Variants in JPH3 observed in about 807,000 individuals in gnomAD.
JPH3 encodes junctophilin 3, also known as junctophilin-3.
JPH3 carries 11 observed loss-of-function variants against 59.6 expected under a neutral mutation model. The observed-to-expected ratio is 0.18, with a 90% CI of 0.12 to 0.31. The LOEUF (loss-of-function observed/expected upper bound fraction) is 0.31, where lower values mean the gene tolerates loss of function less well. Among genes scored for constraint, JPH3 ranks in the 10% least tolerant of loss-of-function variants. The pLI, the probability that JPH3 is intolerant of heterozygous loss-of-function variation, is 1.00. For synonymous variants in JPH3, 673 were observed against 483.6 expected, an observed-to-expected ratio of 1.39 and a Z score of -5.14; for missense variants, 1,202 against 1,105.7, an observed-to-expected ratio of 1.09 and a Z score of -1.24.
intron 2 of JPH3, among the ~76,000 whole-genome samples, chr16:87,655,522 A>C (rs1357393244): frequency 6.6e-6 from 1 of 151,952 alleles, no homozygotes; most frequent in Admixed American, 6.6e-5. Context: ...CCCAGCTAAC[A>C]TTTTTATGTC....
chr16:87,615,136 C>T (rs2030908255), intron 1 of JPH3, among the ~76,000 whole-genome samples: 1 of 152,256 alleles, frequency 6.6e-6, no homozygotes, highest in South Asian at 2.1e-4. Flanking sequence ...GGTGGCTCTC[C>T]TGAGGGTTCA....
chr16:87,606,889 G>C (rs2030540668), intron 1 of JPH3, among the ~76,000 whole-genome samples: 1 of 152,064 alleles, frequency 6.6e-6, no homozygotes, highest in Non-Finnish European at 1.5e-5. Flanking sequence ...ATGAATTACA[G>C]CCCTTAATTC....
chr16:87,666,433 C>T (rs1403468716), intron 2 of JPH3, among the ~76,000 whole-genome samples: 6 of 151,984 alleles, frequency 3.9e-5, no homozygotes, highest in African/African-American at 1.4e-4. Context: ...GCTCTTTTGC[C>T]CAGGCTGGAG....
intron 1 of JPH3, among the ~76,000 whole-genome samples, chr16:87,631,680 T>C (rs996764686): frequency 1.3e-5 from 2 of 152,180 alleles, no homozygotes; most frequent in Non-Finnish European, 2.9e-5. Flanking sequence ...TTTCCTTCCC[T>C]GCTTTCTAGA....
chr16:87,688,195 A>T (rs2033464577), intron 3 of JPH3, among the ~76,000 whole-genome samples: 1 of 151,688 alleles, frequency 6.6e-6, no homozygotes. Context: ...AGAGTGGCCC[A>T]CCCACACCCC....
rs567531204 is a variant in JPH3, at chr16:87,650,668, G to T, written c.1160+5633G>T. 4.6e-5 allele frequency among the ~76,000 whole-genome samples: 7 copies of T among 152,360 alleles called. No homozygotes were observed. In the South Asian group the frequency reaches 1.0e-3, roughly 23 times the overall value. ...GATAAGGGAGTGAAACAATGTTATT[G>T]CTGATATGGAGAAAATTTTAGGGTC... On this transcript the variant is annotated intron_variant, in intron 2 of 4. Transcript: ENST00000284262.
At chr16:87,607,039 T>A (rs181810793) in intron 1 of JPH3, among the ~76,000 whole-genome samples, 63 of 152,294 alleles carry the variant, frequency 4.1e-4, no homozygotes, top group African/African-American at 1.3e-3. Flanking sequence ...CTTTGCTAGG[T>A]ACGTCGCTCT....
upstream of JPH3, chr16:87,602,074 G>GAGGGGCGAGGCGCGGGGGCGGGC: frequency 6.6e-6 from 1 of 152,394 alleles, no homozygotes; most frequent in Non-Finnish European, 1.5e-5. Context: ...AGCCCGGCGG[G>GAGGGGCGAGGCGCGGGGGCGGGC]AGGGGCGAGG....
chr16:87,642,545 G>A (rs1280568477), intron 1 of JPH3, among the ~76,000 whole-genome samples: 1 of 152,258 alleles, frequency 6.6e-6, no homozygotes, highest in East Asian at 1.9e-4. Flanking sequence ...GTAAGTCTCG[G>A]CCTCCAGGCC....
intron 1 of JPH3, among the ~76,000 whole-genome samples, chr16:87,620,230 A>G (rs2031122049): frequency 1.3e-5 from 2 of 151,832 alleles, no homozygotes; most frequent in South Asian, 2.1e-4. Context: ...GCAGAGACCT[A>G]TCGTGAGCAA....
intron 2 of JPH3, among the ~76,000 whole-genome samples, chr16:87,670,503 G>A (rs931898156): frequency 6.6e-6 from 1 of 152,220 alleles, no homozygotes; most frequent in Non-Finnish European, 1.5e-5. Context: ...CTGTCCCTGT[G>A]AGCGGCCTGT....
At chr16:87,655,924 G>T (rs913866150) in intron 2 of JPH3, among the ~76,000 whole-genome samples, 1 of 152,228 alleles carries the variant, frequency 6.6e-6, no homozygotes, top group Non-Finnish European at 1.5e-5. Context: ...CTGTCACTGC[G>T]CCGTTCCCTT....
chr16:87,696,873 T>C lies in JPH3; in HGVS notation c.*213T>C. 1 of 562,314 alleles carries C rather than the reference T, an allele frequency of 1.8e-6. No individual in the cohort carries two copies. The highest frequency in any genetic ancestry group is 2.0e-5 in the South Asian group (1 of 50,110). 34.8% of individuals were successfully genotyped at this position (562,314 alleles called of 1,614,324 possible). A position where few individuals can be genotyped will look rare whatever the true frequency, so the allele number is the denominator to read the frequency against. On this transcript the variant is annotated 3_prime_UTR_variant, in exon 5 of 5. Transcript: ENST00000284262. The stretch of plus-strand genomic sequence containing the variant: ...TTTTAGCCAAAATTCTTTGCTTGTA[T>C]AACACTCTGCTGTGTGGCATGGCAG...
At position 87,695,399 on chromosome 16, in the gene JPH3, C is replaced by T. The variant is rs191526424; in HGVS notation, c.2167-1181C>T. 1.1e-5 allele frequency: 5 copies of T among 456,138 alleles called. No individual in the cohort carries two copies. The Admixed American group carries it at 1.2e-4, about 11-fold the overall frequency. The allele number at this position is 456,138 out of a possible 1,614,324, so 28.3% of individuals were successfully genotyped here. A position where few individuals can be genotyped will look rare whatever the true frequency, so the allele number is the denominator to read the frequency against. On this transcript the variant is annotated intron_variant, in intron 4 of 4. Coordinates refer to ENST00000284262, the MANE Select transcript of JPH3 (RefSeq NM_020655.4). ...CATCCTGGGACCTTCAGGACAAGCCCTGGTCCATCTGTGTCGCACAGCAGC... is the reference window on the plus strand; with the variant it reads ...CATCCTGGGACCTTCAGGACAAGCCTTGGTCCATCTGTGTCGCACAGCAGC...
At chr16:87,606,123 G>C (rs1272419875) in intron 1 of JPH3, among the ~76,000 whole-genome samples, 1 of 152,194 alleles carries the variant, frequency 6.6e-6, no homozygotes, top group African/African-American at 2.4e-5. Flanking sequence ...CGCCAGAATG[G>C]GGCAGAGACC....
chr16:87,608,900 T>A (rs565072778), intron 1 of JPH3, among the ~76,000 whole-genome samples: 1 of 152,306 alleles, frequency 6.6e-6, no homozygotes, highest in South Asian at 2.1e-4. Context: ...TAGCCAGGTG[T>A]GGTGCTGCAC....
chr16:87,622,840 A>G (rs1352062785), intron 1 of JPH3, among the ~76,000 whole-genome samples: 1 of 151,976 alleles, frequency 6.6e-6, no homozygotes, highest in Non-Finnish European at 1.5e-5. Context: ...GAGGTGGTGT[A>G]GCCAGTGCCC....
chr16:87,633,924 A>T (rs910370873), intron 1 of JPH3, among the ~76,000 whole-genome samples: 21 of 152,122 alleles, frequency 1.4e-4, no homozygotes, highest in African/African-American at 5.1e-4. Context: ...AAGCAATTTC[A>T]TTCTAGGAAT....
intron 2 of JPH3, among the ~76,000 whole-genome samples, chr16:87,664,731 CCTT>C (rs1371337554): frequency 6.6e-6 from 1 of 152,202 alleles, no homozygotes; most frequent in Non-Finnish European, 1.5e-5. Context: ...CACTGGCCCT[CCTT>C]ATCCTTGCTG....
Sources: allele counts gnomAD v4.1 joint callset (sites outside exome capture counted in the v4.1 genomes callset), GRCh38; gene constraint gnomAD v4.1.1; transcripts MANE v1.5; gene names NCBI Gene and HGNC (gene_info 2026-07-23, HGNC 2026-07-21).